The following OCA2 variants were observed in gnomAD, a reference collection of about 807,000 sequenced individuals.
The protein encoded by OCA2 is OCA2 melanosomal transmembrane protein.
Under a neutral mutation model 100.2 loss-of-function variants are expected in OCA2, and 77 were observed. The observed-to-expected ratio is 0.77, with a 90% CI of 0.64 to 0.93. The LOEUF (loss-of-function observed/expected upper bound fraction) is 0.93. OCA2 is among the 40% of genes least tolerant of loss of function. The pLI is 0.00. For missense variants in OCA2, 1,062 were observed against 1,089.1 expected (o/e 0.98, Z 0.35); for synonymous variants, 432 against 439.2 (o/e 0.98, Z 0.21).
chr15:27,798,579 A>T (rs1254355751), intron 23 of OCA2, among the ~76,000 whole-genome samples: 1 of 151,872 alleles, frequency 6.6e-6, no homozygotes, highest in Non-Finnish European at 1.5e-5. Flanking sequence ...CCTCGCTCTG[A>T]CCCTGATGAT....
intron 18 of OCA2, among the ~76,000 whole-genome samples, chr15:27,934,446 C>T (rs1010061563): frequency 6.6e-6 from 1 of 152,190 alleles, no homozygotes; most frequent in African/African-American, 2.4e-5. Context: ...ATGGTGATTC[C>T]TTCACCGCTC....
rs146441227 is a variant in OCA2, at chr15:27,763,543, C to CCTCA, written c.2433-8075_2433-8072dup. Among the ~76,000 whole-genome samples, 1,434 of 152,320 alleles carry CCTCA rather than the reference C, an allele frequency of 9.4e-3. 36 individuals carry two copies. The highest frequency in any genetic ancestry group is 0.033 in the African/African-American group (1,382 of 41,562). ...TGGAAAACCAGCACACAAAAAGATG[C>CCTCA]CTCACATCACTAGCCATTAGGGAAG... On this transcript the variant is annotated intron_variant, in intron 23 of 23. Coordinates refer to ENST00000354638, the MANE Select transcript of OCA2 (RefSeq NM_000275.3).
chr15:27,876,097 T>C (rs187700026), intron 19 of OCA2, among the ~76,000 whole-genome samples: 1 of 152,108 alleles, frequency 6.6e-6, no homozygotes, highest in African/African-American at 2.4e-5. Flanking sequence ...GCCAGTCTCA[T>C]GGAAAAATAA....
chr15:28,015,108 T>C (rs1319224984), intron 8 of OCA2, among the ~76,000 whole-genome samples, 179 bp from the exon 9 acceptor site: 2 of 152,174 alleles, frequency 1.3e-5, no homozygotes, highest in East Asian at 3.9e-4. Context: ...GCAGCCTCCC[T>C]GCAGCCAAGC....
At chr15:28,042,364 C>T (rs895092220) in intron 2 of OCA2, among the ~76,000 whole-genome samples, 20 of 151,902 alleles carry the variant, frequency 1.3e-4, no homozygotes, top group African/African-American at 4.1e-4. Context: ...CGGTGGCTCA[C>T]GCCTGTAATC....
chr15:27,913,888 A>AAGC (rs2038533721), intron 19 of OCA2, among the ~76,000 whole-genome samples: 2 of 57,342 alleles, frequency 3.5e-5, no homozygotes, highest in Non-Finnish European at 6.5e-5. Context: ...AGAAAGAAAG[A>AAGC]AAGAAAGCAA....
intron 21 of OCA2, among the ~76,000 whole-genome samples, chr15:27,856,415 G>A (rs2035949726): frequency 6.6e-6 from 1 of 152,112 alleles, no homozygotes; most frequent in East Asian, 1.9e-4. Flanking sequence ...GTGAATTTTG[G>A]CTTTTTTAAT....
At chr15:27,850,752 CT>C (rs1324736863) in intron 22 of OCA2, among the ~76,000 whole-genome samples, 1 of 152,204 alleles carries the variant, frequency 6.6e-6, no homozygotes, top group African/African-American at 2.4e-5. Flanking sequence ...TAAAGCGTAT[CT>C]GATGTGTTGA....
intron 19 of OCA2, among the ~76,000 whole-genome samples, chr15:27,907,651 C>T (rs955299388): frequency 2.4e-4 from 37 of 151,936 alleles, no homozygotes; most frequent in African/African-American, 8.9e-4. Flanking sequence ...CACAAATATT[C>T]AAAATAAGAA....
chr15:28,021,328 A>G lies in OCA2; in HGVS notation c.646+1173T>C, dbSNP rs906604866. On this transcript the variant is annotated intron_variant, in intron 6 of 23. Coordinates refer to ENST00000354638, the MANE Select transcript of OCA2 (RefSeq NM_000275.3). ...TGAGAAACAGCCCTCCCACCCTTTC[A>G]CCCAGAAAAGGCTGGGCGGACATCA... 3.3e-5 allele frequency among the ~76,000 whole-genome samples: 5 copies of G among 151,908 alleles called. No individual in the cohort carries two copies. In the East Asian group the frequency reaches 9.7e-4, roughly 29 times the overall value.
the OCA2 span, among the ~76,000 whole-genome samples, chr15:27,737,462 G>T: frequency 6.6e-6 from 1 of 152,156 alleles, no homozygotes; most frequent in Non-Finnish European, 1.5e-5. Context: ...AGCAAAATAT[G>T]TCAATAGAAC....
rs563302616 is a variant in OCA2 at position 28,007,964 on chromosome 15, C to T, written c.1044+6812G>A. 2.6e-4 allele frequency among the ~76,000 whole-genome samples: 39 copies of T among 152,308 alleles called. 1 individual carries two copies. The South Asian group carries it at 6.2e-3, about 24-fold the overall frequency. On this transcript the variant is annotated intron_variant, in intron 9 of 23. Transcript: ENST00000354638. Reference sequence around the variant, plus strand: ...AGTCAGGGGTGGAAAGTGCCCCCCACGTAGGAGCCAAGTTAGACCAGACCC... The same window carrying T: ...AGTCAGGGGTGGAAAGTGCCCCCCATGTAGGAGCCAAGTTAGACCAGACCC...
At chr15:28,096,547 T>G (rs897565242) in intron 1 of OCA2, among the ~76,000 whole-genome samples, 1 of 152,196 alleles carries the variant, frequency 6.6e-6, no homozygotes, top group Non-Finnish European at 1.5e-5. Flanking sequence ...CAGCCGGTCC[T>G]GGGCTGAGAC....
At chr15:27,798,077 G>A (rs1488104226) in intron 23 of OCA2, among the ~76,000 whole-genome samples, 1 of 152,242 alleles carries the variant, frequency 6.6e-6, no homozygotes, top group Non-Finnish European at 1.5e-5. Flanking sequence ...GCCGTCGCTA[G>A]GCAAGCACTG....
At chr15:28,027,277 C>T (rs1008608418) in intron 4 of OCA2, among the ~76,000 whole-genome samples, 1 of 152,240 alleles carries the variant, frequency 6.6e-6, no homozygotes, top group Non-Finnish European at 1.5e-5. Context: ...TGCGCATCCC[C>T]TCCCCACCCA....
intron 18 of OCA2, among the ~76,000 whole-genome samples, chr15:27,938,528 G>A (rs1402354508): frequency 6.6e-6 from 1 of 152,160 alleles, no homozygotes; most frequent in Non-Finnish European, 1.5e-5. Flanking sequence ...TCAGGGAATG[G>A]TACAGCCCTA....
chr15:28,056,430 T>C (rs2043699343), intron 2 of OCA2, among the ~76,000 whole-genome samples: 2 of 152,226 alleles, frequency 1.3e-5, no homozygotes, highest in South Asian at 4.1e-4. Flanking sequence ...CAAGACGGGC[T>C]GTCTGGGACT....
At chr15:27,738,603 T>C in the OCA2 span, among the ~76,000 whole-genome samples, 2 of 151,730 alleles carry the variant, frequency 1.3e-5, no homozygotes, top group East Asian at 1.9e-4. Flanking sequence ...GGCATGGTGG[T>C]GGGCGCCTGT....
chr15:28,054,383 G>C (rs1309517614), intron 2 of OCA2, among the ~76,000 whole-genome samples: 3 of 152,150 alleles, frequency 2.0e-5, no homozygotes, highest in Admixed American at 6.5e-5. Flanking sequence ...TGGTCCTCTG[G>C]AGATGGCCAA....
Sources: gnomAD v4.1 joint callset for allele counts (sites outside exome capture counted in the v4.1 genomes callset) on GRCh38, gnomAD v4.1.1 for gene constraint, MANE v1.5 for transcripts, NCBI Gene and HGNC (gene_info 2026-07-23, HGNC 2026-07-21) for gene names.